The following PJVK variants were observed in gnomAD, a reference collection of about 807,000 sequenced individuals.
PJVK encodes pejvakin.
A neutral mutation model predicts 37.6 loss-of-function variants in PJVK; 33 were observed. The observed-to-expected ratio is 0.88, with a 90% CI of 0.67 to 1.17. The LOEUF (loss-of-function observed/expected upper bound fraction) is 1.17, where lower values mean the gene tolerates loss of function less well. Among genes scored for constraint, PJVK ranks in the 50% most tolerant of loss-of-function variants. The probability of loss-of-function intolerance (pLI) is 0.00; values close to 1 mark genes in which losing one functional copy is unlikely to be tolerated. For missense variants in PJVK, 410 were observed against 413.8 expected, an observed-to-expected ratio of 0.99 and a Z score of 0.08; for synonymous variants, 141 against 143.5, an observed-to-expected ratio of 0.98 and a Z score of 0.13.
chr2:178,459,587 C>T (rs1443365452), intron 5 of PJVK, among the ~76,000 whole-genome samples: 4 of 152,092 alleles, frequency 2.6e-5, no homozygotes, highest in African/African-American at 4.8e-5. Context: ...TACAAATTCT[C>T]AGTCTAAGAT....
In PJVK at chr2:178,451,421, C is replaced by A; in HGVS notation, c.-371C>A. 4.2e-6 allele frequency: 1 copy of A among 237,894 alleles called. No homozygotes were observed. Among genetic ancestry groups the A allele is most frequent in the East Asian group, 1.1e-4 (1 of 8,772 alleles). The allele number at this position is 237,894 out of a possible 1,614,324, so 14.7% of individuals were successfully genotyped here. A position where few individuals can be genotyped will look rare whatever the true frequency, so the allele number is the denominator to read the frequency against. On this transcript the variant is annotated 5_prime_UTR_variant, in exon 1 of 7. Transcript: ENST00000644580. ...GGCCCCTAGGCCGCAGTTCTTTGTC[C>A]TTAGCAGGAGGCCGTTTCTTGCCGG... is the stretch of plus-strand genomic sequence containing the variant.
At chr2:178,460,914 T>A in intron 6 of PJVK, 68 bp from the exon 7 acceptor site, 1 of 1,413,884 alleles carries the variant, frequency 7.1e-7, no homozygotes, top group Non-Finnish European at 9.9e-7. Context: ...TATTTATTAA[T>A]GCTGTTTGCA....
intron 5 of PJVK, 150 bp from the exon 6 acceptor site, chr2:178,460,198 A>C: frequency 1.5e-6 from 1 of 672,828 alleles, no homozygotes; most frequent in Non-Finnish European, 2.6e-6. Context: ...TGAATTTTGT[A>C]CCATGTGAAT....
chr2:178,455,259 T>G (rs1683973004), intron 3 of PJVK: 1 of 1,492,814 alleles, frequency 6.7e-7, no homozygotes, highest in Non-Finnish European at 9.3e-7. Context: ...AATTCCAAGC[T>G]GTCAGACCTG....
intron 5 of PJVK, among the ~76,000 whole-genome samples, chr2:178,459,591 C>A (rs1684358106): frequency 6.6e-6 from 1 of 152,094 alleles, no homozygotes; most frequent in East Asian, 1.9e-4. Flanking sequence ...AATTCTCAGT[C>A]TAAGATGGAG....
chr2:178,457,167 C>T (rs1349532794), intron 4 of PJVK, among the ~76,000 whole-genome samples: 1 of 152,110 alleles, frequency 6.6e-6, no homozygotes, highest in East Asian at 1.9e-4. Context: ...CTCCTGACCT[C>T]GTGATCCGCT....
At chr2:178,460,610 G>T (rs1237150924) in intron 6 of PJVK, among the ~76,000 whole-genome samples, 164 bp downstream of exon 6, 1 of 151,932 alleles carries the variant, frequency 6.6e-6, no homozygotes. Flanking sequence ...TGGGAGGCCA[G>T]GGCAGGCAGA....
intron 4 of PJVK, among the ~76,000 whole-genome samples, chr2:178,456,556 A>C (rs1035290746): frequency 6.6e-6 from 1 of 152,192 alleles, no homozygotes; most frequent in Non-Finnish European, 1.5e-5. Flanking sequence ...ACTTGCAGTC[A>C]GGAGTTGGAG....
At chr2:178,452,454 A>G (rs941068911) in intron 1 of PJVK, 7 of 985,288 alleles carry the variant, frequency 7.1e-6, no homozygotes, top group African/African-American at 5.2e-5. Context: ...ATGTATGTAT[A>G]TAGATTACTA....
rs1445186703 is a variant in PJVK at position 178,461,677 on chromosome 2, TG to T, written c.*406del. On this transcript the variant is annotated 3_prime_UTR_variant, in exon 7 of 7. Coordinates refer to ENST00000644580, the MANE Select transcript of PJVK (RefSeq NM_001042702.5). ...TCAGCTCACTGCAACCTCTGCCTCC[TG>T]GGTTCAAGCAATTCTCTGCCTCAGC... 3.4e-5 allele frequency among the ~76,000 whole-genome samples: 5 copies of T among 147,798 alleles called. No individual in the cohort carries two copies. Among genetic ancestry groups the T allele is most frequent in the Non-Finnish European group, 7.4e-5 (5 of 67,510 alleles).
At position 178,460,356 on chromosome 2, in the gene PJVK, G is replaced by A; in HGVS notation, c.676G>A (p.Val226Ile). The change falls in exon 6 of 7, where the codon GTC becomes ATC. Residue 226 changes from valine (V) to isoleucine (I), a missense_variant. Coordinates refer to ENST00000644580, the MANE Select transcript of PJVK (RefSeq NM_001042702.5). Reference protein sequence around the residue: ...IYLDGAFDLCVTSVSKGGFER... With the variant: ...IYLDGAFDLCITSVSKGGFER... ...AACAATTTTTTTTGTAGACCTTTGTGTCACTTCAGTGTCAAAAGGAGGATT... is the reference window on the plus strand; with the variant it reads ...AACAATTTTTTTTGTAGACCTTTGTATCACTTCAGTGTCAAAAGGAGGATT... 2 of 1,613,858 alleles carry A rather than the reference G, an allele frequency of 1.2e-6. No individual in the cohort carries two copies. Among genetic ancestry groups the A allele is most frequent in the South Asian group, 1.1e-5 (1 of 91,070 alleles).
intron 2 of PJVK, 38 bp downstream of exon 2, chr2:178,453,658 T>G (rs567864715): frequency 1.5e-4 from 229 of 1,548,678 alleles, no homozygotes; most frequent in Non-Finnish European, 1.9e-4. Context: ...CTCATTCATC[T>G]GTATTATTGG....
chr2:178,454,979 C>T (rs533974018), intron 3 of PJVK: 1 of 970,534 alleles, frequency 1.0e-6, no homozygotes, highest in African/African-American at 1.6e-5. Context: ...CGGAGCTGGA[C>T]CTGGCGGTCC....
chr2:178,455,292 T>A (rs986721854), intron 3 of PJVK: 9 of 1,383,586 alleles, frequency 6.5e-6, no homozygotes, highest in African/African-American at 1.4e-5. Context: ...CACATCATGG[T>A]GGAAAAGACA....
intron 1 of PJVK, 123 bp downstream of exon 1, chr2:178,451,892 C>T: frequency 4.1e-6 from 4 of 972,354 alleles, no homozygotes; most frequent in South Asian, 4.8e-5. Context: ...GATGACGTGT[C>T]GCTTCTCCAG....
intron 2 of PJVK, chr2:178,453,902 G>A (rs1310481759): frequency 8.0e-6 from 3 of 377,306 alleles, no homozygotes; most frequent in Non-Finnish European, 1.5e-5. Context: ...TCTATAAAAT[G>A]GGATATTATT....
chr2:178,455,141 G>C, intron 3 of PJVK: 8 of 1,601,484 alleles, frequency 5.0e-6, no homozygotes, highest in Non-Finnish European at 6.8e-6. Flanking sequence ...GCTCATTGAG[G>C]ACGGCAAGGT....
rs1190093022 is a variant in PJVK, at chr2:178,453,463, A to G, written c.54A>G (p.Arg18=). The change falls in exon 2 of 7, where the codon AGA becomes AGG. Residue 18 remains arginine (R), a synonymous_variant. Transcript: ENST00000644580. ...TCAAGCAAGTTGGAGATGGAGGGAG[A>G]TTAGTTCCTGTTCCAAGCCTCAGTG... ...SFVKQVGDGG[R]LVPVPSLSEA... is the part of the protein sequence containing the mutation. The G allele has an allele frequency of 1.2e-6, 2 of 1,614,020 alleles. No individual in the cohort carries two copies. Among genetic ancestry groups the G allele is most frequent in the African/African-American group, 1.3e-5 (1 of 74,926 alleles).
chr2:178,457,089 C>G (rs938881877), intron 4 of PJVK, among the ~76,000 whole-genome samples: 5 of 152,132 alleles, frequency 3.3e-5, no homozygotes, highest in African/African-American at 1.2e-4. Context: ...CTGCCTCAGC[C>G]TCCCGAGTAG....
Sources: allele counts gnomAD v4.1 joint callset (sites outside exome capture counted in the v4.1 genomes callset), GRCh38; gene constraint gnomAD v4.1.1; transcripts MANE v1.5; gene names NCBI Gene and HGNC (gene_info 2026-07-23, HGNC 2026-07-21).